The following HRH1 variants were observed in gnomAD, a reference collection of about 807,000 sequenced individuals.
HRH1 encodes the protein histamine receptor H1.
HRH1 carries 6 observed loss-of-function variants against 10.3 expected under a neutral mutation model. The observed-to-expected ratio is 0.58, with a 90% CI of 0.32 to 1.15. The LOEUF is 1.15. Among genes scored for constraint, HRH1 ranks in the 50% most tolerant of loss-of-function variants. The pLI, the probability that HRH1 is intolerant of heterozygous loss-of-function variation, is 0.05. For missense variants in HRH1, 514 were observed against 615.3 expected, an observed-to-expected ratio of 0.84 and a Z score of 1.74; for synonymous variants, 242 against 236.7, an observed-to-expected ratio of 1.02 and a Z score of -0.21.
rs536998633 is a variant in HRH1 at position 11,223,477 on chromosome 3, C to T, written c.-35-35526C>T. 4.9e-4 allele frequency among the ~76,000 whole-genome samples: 71 copies of T among 145,584 alleles called. 1 individual carries two copies. Among genetic ancestry groups the T allele is most frequent in the African/African-American group, 1.7e-3 (67 of 38,782 alleles). ...TGGCGCCACTGCGCTCCAGCCTGGGCGACAGAGCGAGACTCCATCTCAAAA... is the reference window on the plus strand; with the variant it reads ...TGGCGCCACTGCGCTCCAGCCTGGGTGACAGAGCGAGACTCCATCTCAAAA... On this transcript the variant is annotated intron_variant, in intron 1 of 1. Transcript: ENST00000431010.
intron 1 of HRH1, among the ~76,000 whole-genome samples, chr3:11,174,705 A>G (rs1265678917): frequency 6.6e-6 from 1 of 152,210 alleles, no homozygotes; most frequent in East Asian, 1.9e-4. Flanking sequence ...TTGGAGGAAG[A>G]TAATTGTCTC....
At chr3:11,169,727 A>G (rs1219886588) in intron 1 of HRH1, among the ~76,000 whole-genome samples, 1 of 152,150 alleles carries the variant, frequency 6.6e-6, no homozygotes, top group East Asian at 1.9e-4. Context: ...TCCCCATCCC[A>G]TCTCCATCAA....
At chr3:11,138,704 A>ATT (rs35194961) in intron 1 of HRH1, among the ~76,000 whole-genome samples, 2,148 of 139,392 alleles carry the variant, frequency 0.015, 61 homozygotes, top group African/African-American at 0.056. Context: ...TCATAGCTGA[A>ATT]TTTTTTTTTT....
chr3:11,253,026 C>T (rs1939692302), intron 1 of HRH1: 1 of 152,104 alleles, frequency 6.6e-6, no homozygotes, highest in African/African-American at 2.4e-5. Context: ...ATAGATTTGT[C>T]CCTGCTTCTG....
intron 1 of HRH1, among the ~76,000 whole-genome samples, chr3:11,165,139 G>A (rs909402507): frequency 3.9e-5 from 6 of 152,224 alleles, no homozygotes; most frequent in African/African-American, 1.4e-4. Flanking sequence ...ACTCGCATAA[G>A]CTCACACAGC....
chr3:11,228,544 G>A (rs1415652852), intron 1 of HRH1, among the ~76,000 whole-genome samples: 1 of 152,046 alleles, frequency 6.6e-6, no homozygotes, highest in African/African-American at 2.4e-5. Context: ...GCTAGGTGCT[G>A]GAAATATAAG....
intron 1 of HRH1, among the ~76,000 whole-genome samples, chr3:11,144,390 T>G (rs369313113): frequency 3.3e-3 from 3 of 918 alleles, no homozygotes; most frequent in Non-Finnish European, 5.8e-3. Context: ...TCTATATGTG[T>G]ATATATACAT....
chr3:11,234,269 T>C (rs1939115934), intron 1 of HRH1: 1 of 1,557,480 alleles, frequency 6.4e-7, no homozygotes, highest in Middle Eastern at 1.7e-4. Flanking sequence ...TGACCCCACC[T>C]CTTCTTTGGT....
upstream of HRH1, among the ~76,000 whole-genome samples, chr3:11,152,641 T>G (rs1333615803): frequency 7.3e-5 from 2 of 27,478 alleles, no homozygotes; most frequent in Non-Finnish European, 1.5e-4. Context: ...CCCACCTCCA[T>G]CCCCCCCTTA....
At chr3:11,207,682 TA>T (rs1938186970) in intron 1 of HRH1, among the ~76,000 whole-genome samples, 1 of 152,184 alleles carries the variant, frequency 6.6e-6, no homozygotes, top group African/African-American at 2.4e-5. Context: ...TCTTTTTCAA[TA>T]AAATGGGGTC....
rs1360934206 is a variant in HRH1 at position 11,260,109 on chromosome 3, T to C, written c.1072T>C (p.Phe358Leu). ...EDQMLGDSQS[F>L]SRTDSDTTTE... Reference sequence around the variant, plus strand: ...TCAGATGTTAGGTGATAGCCAATCCTTCTCTCGAACGGACTCAGATACCAC... The same window carrying C: ...TCAGATGTTAGGTGATAGCCAATCCCTCTCTCGAACGGACTCAGATACCAC... Residue 358 changes from phenylalanine to leucine, a missense_variant, in exon 2 of 2, where the codon TTC becomes CTC. Phe to Leu is a conservative substitution (Grantham distance 22). Transcript: ENST00000431010. 6.2e-7 allele frequency: 1 copy of C among 1,608,352 alleles called. No homozygotes were observed. Among genetic ancestry groups the C allele is most frequent in the Non-Finnish European group, 8.5e-7 (1 of 1,175,220 alleles).
At chr3:11,215,633 G>A (rs551988223) in intron 1 of HRH1, among the ~76,000 whole-genome samples, 3 of 152,326 alleles carry the variant, frequency 2.0e-5, no homozygotes, top group East Asian at 3.9e-4. Flanking sequence ...AGTAGAGACA[G>A]GGTTTCACTG....
intron 1 of HRH1, among the ~76,000 whole-genome samples, chr3:11,214,061 T>C (rs909996895): frequency 1.3e-5 from 2 of 151,504 alleles, no homozygotes; most frequent in Non-Finnish European, 2.9e-5. Context: ...TATGGGAAGA[T>C]GGAACAGCGC....
At chr3:11,163,331 C>A (rs977922302) in intron 1 of HRH1, among the ~76,000 whole-genome samples, 3 of 152,320 alleles carry the variant, frequency 2.0e-5, no homozygotes, top group African/African-American at 7.2e-5. Context: ...CCAGTGACAT[C>A]CTCTGCAGCC....
chr3:11,178,404 C>T (rs1400031653), intron 1 of HRH1, among the ~76,000 whole-genome samples: 1 of 152,222 alleles, frequency 6.6e-6, no homozygotes, highest in East Asian at 1.9e-4. Context: ...CGTTGGGTGC[C>T]TGGAGGTGAC....
At chr3:11,163,760 G>T (rs535280013) in intron 1 of HRH1, among the ~76,000 whole-genome samples, 1 of 152,212 alleles carries the variant, frequency 6.6e-6, no homozygotes, top group African/African-American at 2.4e-5. Context: ...GATTATATGT[G>T]TTCTCATGTA....
At chr3:11,220,704 A>C (rs977885341) in intron 1 of HRH1, among the ~76,000 whole-genome samples, 1 of 152,150 alleles carries the variant, frequency 6.6e-6, no homozygotes, top group South Asian at 2.1e-4. Flanking sequence ...GCTGAACTTA[A>C]AGAACAGACA....
At chr3:11,255,799 T>A (rs763584104) in intron 1 of HRH1, among the ~76,000 whole-genome samples, 1 of 152,252 alleles carries the variant, frequency 6.6e-6, no homozygotes, top group Non-Finnish European at 1.5e-5. Flanking sequence ...CAATCAGATA[T>A]GCATTTATCT....
chr3:11,231,564 T>G (rs563627844), intron 1 of HRH1, among the ~76,000 whole-genome samples: 2 of 152,368 alleles, frequency 1.3e-5, no homozygotes, highest in South Asian at 4.1e-4. Context: ...GTTGTGGTTT[T>G]GACTTGCACT....
Sources: gnomAD v4.1 joint callset for allele counts (sites outside exome capture counted in the v4.1 genomes callset) on GRCh38, gnomAD v4.1.1 for gene constraint, MANE v1.5 for transcripts, NCBI Gene and HGNC (gene_info 2026-07-23, HGNC 2026-07-21) for gene names.